The following TDRD10 variants were observed in gnomAD, a reference collection of about 807,000 sequenced individuals.
TDRD10 encodes tudor domain containing 10, also known as tudor domain-containing protein 10.
TDRD10 carries 40 observed loss-of-function variants against 48.0 expected under a neutral mutation model. That is an observed-to-expected ratio of 0.83 (90% CI 0.65 to 1.09). TDRD10 has a LOEUF of 1.09. Among genes scored for constraint, TDRD10 ranks in the 50% least tolerant of loss-of-function variants. The probability of loss-of-function intolerance (pLI) is 0.00; values close to 1 mark genes in which losing one functional copy is unlikely to be tolerated. For missense variants in TDRD10, 378 were observed against 434.7 expected, an observed-to-expected ratio of 0.87 and a Z score of 1.16; for synonymous variants, 162 against 170.4, an observed-to-expected ratio of 0.95 and a Z score of 0.38.
At chr1:154,532,523 C>T (rs1041183197) in intron 6 of TDRD10, among the ~76,000 whole-genome samples, 1 of 152,198 alleles carries the variant, frequency 6.6e-6, no homozygotes, top group Admixed American at 6.5e-5. Context: ...AGGGCTCCCA[C>T]GGTGCAGCGG....
At chr1:154,526,065 C>T (rs1319840895) in intron 6 of TDRD10, among the ~76,000 whole-genome samples, 21 of 151,216 alleles carry the variant, frequency 1.4e-4, no homozygotes, top group South Asian at 4.2e-4. Flanking sequence ...ATTAGCCAGG[C>T]GTGGTGGCGT....
At chr1:154,526,589 G>A (rs958213146) in intron 6 of TDRD10, among the ~76,000 whole-genome samples, 57 of 151,986 alleles carry the variant, frequency 3.8e-4, no homozygotes, top group African/African-American at 1.4e-3. Context: ...TCGAGCAGCT[G>A]GGATTACAGC....
At chr1:154,525,592 A>G (rs772248385) in intron 6 of TDRD10, among the ~76,000 whole-genome samples, 3 of 152,164 alleles carry the variant, frequency 2.0e-5, no homozygotes, top group Non-Finnish European at 4.4e-5. Context: ...TTAAAATCCA[A>G]ATAGGAAGTA....
At chr1:154,516,206 G>C (rs1423050031) in intron 4 of TDRD10, among the ~76,000 whole-genome samples, 1 of 152,228 alleles carries the variant, frequency 6.6e-6, no homozygotes, top group East Asian at 1.9e-4. Context: ...AAAAAGAAGA[G>C]TAGGAAGATG....
chr1:154,534,019 A>AC (rs1055811858), intron 6 of TDRD10, among the ~76,000 whole-genome samples: 122 of 151,058 alleles, frequency 8.1e-4, no homozygotes, highest in East Asian at 2.5e-3. Flanking sequence ...TAGGCGTGAG[A>AC]CCCCCCAGCC....
chr1:154,509,721 AG>A, intron 4 of TDRD10: 2 of 594,484 alleles, frequency 3.4e-6, no homozygotes, highest in Non-Finnish European at 4.2e-6. Flanking sequence ...ATTCAATCAA[AG>A]GGGCAGGTTG....
chr1:154,515,418 CCTT>C (rs1693707744), intron 4 of TDRD10, among the ~76,000 whole-genome samples: 1 of 152,208 alleles, frequency 6.6e-6, no homozygotes, highest in African/African-American at 2.4e-5. Flanking sequence ...CAGTGGCTTC[CCTT>C]CTTATTTAGG....
At chr1:154,541,817 G>GC in intron 6 of TDRD10, 1 of 526,628 alleles carries the variant, frequency 1.9e-6, no homozygotes, top group Non-Finnish European at 3.4e-6. Flanking sequence ...TGCCTTCCCT[G>GC]CTTCTGATCG....
intron 4 of TDRD10, among the ~76,000 whole-genome samples, chr1:154,519,199 G>A (rs1322919234): frequency 1.3e-5 from 2 of 152,190 alleles, no homozygotes; most frequent in Non-Finnish European, 2.9e-5. Flanking sequence ...CTCACGAATT[G>A]CTTGTTCAGC....
At chr1:154,531,038 A>G (rs1036909980) in intron 6 of TDRD10, among the ~76,000 whole-genome samples, 2 of 151,654 alleles carry the variant, frequency 1.3e-5, no homozygotes, top group African/African-American at 2.4e-5. Context: ...ATGGGGTTTC[A>G]CCATGTTGGC....
intron 6 of TDRD10, among the ~76,000 whole-genome samples, chr1:154,522,269 C>T (rs985821691): frequency 1.3e-5 from 2 of 152,132 alleles, no homozygotes; most frequent in African/African-American, 4.8e-5. Flanking sequence ...GGTGCATTTT[C>T]CAGAAGCCCT....
intron 4 of TDRD10, among the ~76,000 whole-genome samples, chr1:154,516,654 C>A (rs376208701): frequency 4.2e-4 from 64 of 152,200 alleles, no homozygotes; most frequent in African/African-American, 1.3e-3. Flanking sequence ...ACGAGCACAG[C>A]AGGGGCCAGG....
At chr1:154,517,770 C>T (rs1465266561) in intron 4 of TDRD10, among the ~76,000 whole-genome samples, 1 of 152,110 alleles carries the variant, frequency 6.6e-6, no homozygotes, top group Non-Finnish European at 1.5e-5. Flanking sequence ...ATGGCTCACA[C>T]TAATATTTTC....
chr1:154,507,114 G>A, intron 2 of TDRD10, 127 bp from the exon 3 acceptor site: 1 of 1,533,222 alleles, frequency 6.5e-7, no homozygotes, highest in African/African-American at 1.4e-5. Context: ...CTGGGAGGAG[G>A]AAGGGAAGCC....
intron 10 of TDRD10, 54 bp from the exon 11 acceptor site, chr1:154,544,741 T>C (rs6681207): frequency 0.2 from 314,281 of 1,589,744 alleles, 32,248 homozygotes; most frequent in South Asian, 0.23. Flanking sequence ...AGGACTGCTG[T>C]GCATGGCACT....
intron 6 of TDRD10, among the ~76,000 whole-genome samples, chr1:154,537,436 A>G (rs896951213): frequency 6.6e-6 from 1 of 152,234 alleles, no homozygotes; most frequent in African/African-American, 2.4e-5. Context: ...AGTGCAAGTG[A>G]TTAAAGAATG....
At chr1:154,509,903 T>G in intron 4 of TDRD10, 4 of 979,620 alleles carry the variant, frequency 4.1e-6, no homozygotes, top group Non-Finnish European at 4.9e-6. Context: ...CACCTCTCTC[T>G]TCCCCCCTCC....
At chr1:154,529,846 C>G (rs2149336198) in intron 6 of TDRD10, among the ~76,000 whole-genome samples, 1 of 152,170 alleles carries the variant, frequency 6.6e-6, no homozygotes, top group African/African-American at 2.4e-5. Context: ...CGCCCAGCTT[C>G]TTTCTTACTT....
intron 3 of TDRD10, 110 bp downstream of exon 3, chr1:154,507,430 C>G (rs1693206723): frequency 7.7e-7 from 1 of 1,294,826 alleles, no homozygotes; most frequent in Non-Finnish European, 1.1e-6. Context: ...AACTTGGGAT[C>G]TGCCTAGATT....
Sources: gnomAD v4.1 joint callset for allele counts (sites outside exome capture counted in the v4.1 genomes callset) on GRCh38, gnomAD v4.1.1 for gene constraint, MANE v1.5 for transcripts, NCBI Gene and HGNC (gene_info 2026-07-23, HGNC 2026-07-21) for gene names.